The following RUNX1 variants were observed in gnomAD, a reference collection of about 807,000 sequenced individuals.
RUNX1 encodes the protein RUNX family transcription factor 1.
RUNX1 carries 19 observed loss-of-function variants against 42.8 expected under a neutral mutation model. The observed-to-expected ratio is 0.44, with a 90% confidence interval of 0.31 to 0.65. RUNX1 has a LOEUF of 0.65. Ranked by LOEUF, RUNX1 falls within the 30% of genes least tolerant of loss-of-function variation. RUNX1 has a pLI of 0.07. For missense variants in RUNX1, 528 were observed against 672.0 expected, an observed-to-expected ratio of 0.79 and a Z score of 2.37; for synonymous variants, 271 against 289.4, an observed-to-expected ratio of 0.94 and a Z score of 0.64.
In RUNX1 at chr21:35,038,118, A is replaced by G. The variant is rs114131737; in HGVS notation, c.58+10724T>C. Among the ~76,000 whole-genome samples, 883 of 152,212 alleles carry G rather than the reference A, an allele frequency of 5.8e-3. 8 individuals are homozygous for G. Among genetic ancestry groups the G allele is most frequent in the African/African-American group, 0.02 (847 of 41,514 alleles). ...TGTCTCAAATCCTCTTGACAACCAT[A>G]CAAAGTAGGGCTCATTCCCCTTGTT... On this transcript the variant is annotated intron_variant, in intron 2 of 8. Coordinates refer to ENST00000675419, the MANE Select transcript of RUNX1 (RefSeq NM_001754.5).
At chr21:34,930,664 T>C (rs1310626849) in intron 2 of RUNX1, among the ~76,000 whole-genome samples, 5 of 151,624 alleles carry the variant, frequency 3.3e-5, no homozygotes, top group African/African-American at 1.2e-4. Flanking sequence ...GTTCTTCAAT[T>C]GGAATGAATA....
intron 2 of RUNX1, among the ~76,000 whole-genome samples, chr21:34,975,862 T>C (rs1207366881): frequency 6.6e-6 from 1 of 151,770 alleles, no homozygotes; most frequent in Admixed American, 6.6e-5. Flanking sequence ...GAGAGAGGAT[T>C]ATTTGTTGAA....
At chr21:34,818,138 G>A (rs919106382) in intron 7 of RUNX1, among the ~76,000 whole-genome samples, 1 of 152,194 alleles carries the variant, frequency 6.6e-6, no homozygotes, top group Non-Finnish European at 1.5e-5. Context: ...AGTGTGCAAA[G>A]AGCTCAAGTT....
intron 5 of RUNX1, among the ~76,000 whole-genome samples, chr21:34,864,486 TCCAA>T (rs1224421841): frequency 1.3e-5 from 2 of 152,072 alleles, no homozygotes; most frequent in Admixed American, 6.5e-5. Context: ...GCCTGGAGGA[TCCAA>T]GGCTCCCTGA....
At chr21:34,834,302 C>A in intron 7 of RUNX1, 108 bp downstream of exon 7, 1 of 1,169,434 alleles carries the variant, frequency 8.6e-7, no homozygotes. Flanking sequence ...CTCTGAGCAT[C>A]AAGGGGAAAC....
chr21:34,869,771 G>A (rs1020136001), intron 5 of RUNX1, among the ~76,000 whole-genome samples: 2 of 152,178 alleles, frequency 1.3e-5, no homozygotes, highest in Non-Finnish European at 2.9e-5. Context: ...AACTTGGGTG[G>A]AGGCAGCAAT....
chr21:34,894,507 G>A (rs1387065670), intron 2 of RUNX1, among the ~76,000 whole-genome samples: 1 of 152,046 alleles, frequency 6.6e-6, no homozygotes, highest in East Asian at 1.9e-4. Context: ...AGGGGTAGGG[G>A]GTGAGCAACT....
chr21:35,047,557 ACACACTCTCT>A (rs1195300475), intron 2 of RUNX1, among the ~76,000 whole-genome samples: 1,381 of 75,280 alleles, frequency 0.018, 7 homozygotes, highest in Non-Finnish European at 0.023. Flanking sequence ...ACACACACAC[ACACACTCTCT>A]CTCTCTCTCT....
At chr21:34,870,811 A>G (rs2268292) in intron 5 of RUNX1, among the ~76,000 whole-genome samples, 9,197 of 151,982 alleles carry the variant, frequency 0.061, 396 homozygotes, top group Admixed American at 0.13. Context: ...TACAAAAATT[A>G]TCCAGGCGTG....
rs372165417 is a variant in RUNX1 at position 34,960,696 on chromosome 21, A to G, written c.59-67733T>C. On this transcript the variant is annotated intron_variant, in intron 2 of 8. Transcript: ENST00000675419. Reference sequence around the variant, plus strand: ...CAACCGTGGCTGAGTTCTAGGAGGCAGTTTATTTTTTGTTGCTTGTGTATA... The same window carrying G: ...CAACCGTGGCTGAGTTCTAGGAGGCGGTTTATTTTTTGTTGCTTGTGTATA... Among the ~76,000 whole-genome samples, 18 of 152,292 alleles carry G rather than the reference A, an allele frequency of 1.2e-4. No individual in the cohort carries two copies. The East Asian group carries it at 2.3e-3, about 20-fold the overall frequency.
chr21:34,986,787 C>A (rs539515957), intron 2 of RUNX1, among the ~76,000 whole-genome samples: 1 of 151,966 alleles, frequency 6.6e-6, no homozygotes, highest in African/African-American at 2.4e-5. Flanking sequence ...GAAATGCCAG[C>A]GCCTTGATCT....
Position 34,826,434 on chromosome 21 carries a change from CTTTTTT to C in RUNX1, c.805+7970_805+7975del, listed in dbSNP as rs772880673. On this transcript the variant is annotated intron_variant, in intron 7 of 8. Coordinates refer to ENST00000675419, the MANE Select transcript of RUNX1 (RefSeq NM_001754.5). ...TAAATTTCTTTTGTTTTCTTTCTTT[CTTTTTT>C]TTTTTTTTTTTTTTTGAGACAGAAT... Among the ~76,000 whole-genome samples, 458 of 105,352 alleles carry C rather than the reference CTTTTTT, an allele frequency of 4.3e-3. 3 individuals carry two copies. The highest frequency in any genetic ancestry group is 6.7e-3 in the Admixed American group (53 of 7,878). The allele number at this position is 105,352 out of a possible 152,430, so 69.1% of individuals were successfully genotyped here.
At chr21:35,007,824 C>T (rs766530797) in intron 2 of RUNX1, among the ~76,000 whole-genome samples, 4 of 152,140 alleles carry the variant, frequency 2.6e-5, no homozygotes, top group East Asian at 3.9e-4. Context: ...CCCCAAACGC[C>T]GATGAGATCC....
intron 2 of RUNX1, among the ~76,000 whole-genome samples, chr21:34,933,471 G>A (rs936794226): frequency 6.6e-6 from 1 of 152,132 alleles, no homozygotes; most frequent in Non-Finnish European, 1.5e-5. Context: ...TTTATGAGTG[G>A]TGGGATGTTA....
chr21:34,811,064 G>A lies in RUNX1; in HGVS notation c.806-11602C>T, dbSNP rs536829398. On this transcript the variant is annotated intron_variant, in intron 7 of 8. Coordinates refer to ENST00000675419, the MANE Select transcript of RUNX1 (RefSeq NM_001754.5). ...AGCTGCGTCAGGGCCTCACAGCAGT[G>A]TTGCACCGTGCCAGCCACAACACAG... Among the ~76,000 whole-genome samples the A allele has an allele frequency of 5.3e-5, 8 of 152,336 alleles. No individual in the cohort carries two copies. The East Asian group carries it at 1.5e-3, about 29-fold the overall frequency.
In RUNX1 at chr21:34,990,693, G is replaced by C. The variant is rs2058930413; in HGVS notation, c.58+58149C>G. 2.0e-5 allele frequency among the ~76,000 whole-genome samples: 3 copies of C among 151,660 alleles called. No homozygotes were observed. The South Asian group carries it at 6.2e-4, about 32-fold the overall frequency. ...GTTTCACTCTGCCTCCTGGGTTCAA[G>C]TGATTCTCCTGCCTCAGCCTCCCGA... is the stretch of plus-strand genomic sequence containing the variant. On this transcript the variant is annotated intron_variant, in intron 2 of 8. Transcript: ENST00000675419.
chr21:34,929,690 C>G (rs1256135872), intron 2 of RUNX1, among the ~76,000 whole-genome samples: 2 of 152,100 alleles, frequency 1.3e-5, no homozygotes, highest in Admixed American at 6.5e-5. Flanking sequence ...GTGACATGAA[C>G]AAAAATTGGC....
chr21:34,918,938 A>G (rs2058333489), intron 2 of RUNX1, among the ~76,000 whole-genome samples: 1 of 152,156 alleles, frequency 6.6e-6, no homozygotes, highest in Non-Finnish European at 1.5e-5. Flanking sequence ...GATACATGAA[A>G]TGTATGTGTG....
chr21:34,889,656 G>A (rs1263430173), intron 3 of RUNX1: 4 of 1,118,704 alleles, frequency 3.6e-6, no homozygotes, highest in African/African-American at 1.7e-5. Context: ...GCGCTCGAGC[G>A]GCCCCAGGTG....
Sources: allele counts gnomAD v4.1 joint callset (sites outside exome capture counted in the v4.1 genomes callset), GRCh38; gene constraint gnomAD v4.1.1; transcripts MANE v1.5; gene names NCBI Gene and HGNC (gene_info 2026-07-23, HGNC 2026-07-21).